The following PRR14L variants were observed in gnomAD, a reference collection of about 807,000 sequenced individuals.
PRR14L encodes protein PRR14L.
PRR14L carries 80 observed loss-of-function variants against 155.0 expected under a neutral mutation model. That is an observed-to-expected ratio of 0.52 (90% confidence interval 0.43 to 0.62). The LOEUF (loss-of-function observed/expected upper bound fraction) is 0.62, where lower values mean the gene tolerates loss of function less well. PRR14L is among the 20% of genes least tolerant of loss of function. The probability of loss-of-function intolerance (pLI) is 0.00; values close to 1 mark genes in which losing one functional copy is unlikely to be tolerated. For missense variants in PRR14L, 2,469 were observed against 2,548.0 expected, an observed-to-expected ratio of 0.97 and a Z score of 0.67; for synonymous variants, 883 against 916.0, an observed-to-expected ratio of 0.96 and a Z score of 0.65.
At chr22:31,732,304 T>C (rs964982091) in intron 2 of PRR14L, among the ~76,000 whole-genome samples, 17 of 152,342 alleles carry the variant, frequency 1.1e-4, no homozygotes, top group Middle Eastern at 3.4e-3. Flanking sequence ...AAGGTCTACC[T>C]GCAGGGTCAG....
chr22:31,690,338 C>T (rs1601491015), intron 7 of PRR14L, among the ~76,000 whole-genome samples: 1 of 151,720 alleles, frequency 6.6e-6, no homozygotes, highest in East Asian at 1.9e-4. Flanking sequence ...CGTGAGCCAC[C>T]ATGCCCAGCT....
In PRR14L at chr22:31,749,927, G is replaced by A. The variant is rs186783944; in HGVS notation, c.-52+66C>T. 9.7e-3 allele frequency: 1,481 copies of A among 152,792 alleles called. 18 individuals carry two copies. Among genetic ancestry groups the A allele is most frequent in the African/African-American group, 0.032 (1,341 of 41,598 alleles). 9.5% of individuals were successfully genotyped at this position (152,792 alleles called of 1,614,324 possible). ...CCCTTTAGCAGCACCACCCGGCGGAGGGTCCCTTTAGGGCGGAGTGGGGCG... is the reference window on the plus strand; with the variant it reads ...CCCTTTAGCAGCACCACCCGGCGGAAGGTCCCTTTAGGGCGGAGTGGGGCG... On this transcript the variant is annotated intron_variant, in intron 1 of 8. Transcript: ENST00000327423.
intron 2 of PRR14L, among the ~76,000 whole-genome samples, chr22:31,736,585 T>C (rs1392245589): frequency 1.3e-5 from 2 of 152,106 alleles, no homozygotes; most frequent in Non-Finnish European, 2.9e-5. Flanking sequence ...AAAGAACATA[T>C]GAACCTGATG....
At position 31,716,081 on chromosome 22, in the gene PRR14L, C is replaced by T. The variant is rs780901716; in HGVS notation, c.1758G>A (p.Glu586=). ...MPEDQISPVS[E]VLKPKQGTAL... ...CAGTACCTTGCTTGGGTTTTAATACCTCACTTACAGGACTTATTTGATCCT... is the reference window on the plus strand; with the variant it reads ...CAGTACCTTGCTTGGGTTTTAATACTTCACTTACAGGACTTATTTGATCCT... Residue 586 remains glutamate (E), a synonymous_variant, in exon 4 of 9, where the codon GAG becomes GAA. Coordinates refer to ENST00000327423, the MANE Select transcript of PRR14L (RefSeq NM_173566.3). 1.3e-6 allele frequency: 2 copies of T among 1,550,914 alleles called. No homozygotes were observed. The highest frequency in any genetic ancestry group is 2.4e-5 in the South Asian group (2 of 84,054).
rs1465075021 is a variant in PRR14L, at chr22:31,714,457, T to C, written c.3382A>G (p.Ile1128Val). The C allele has an allele frequency of 1.3e-6, 2 of 1,551,710 alleles. No homozygotes were observed. Residue 1128 changes from isoleucine to valine, a missense_variant, in exon 4 of 9, where the codon ATA (isoleucine) becomes GTA (valine). Coordinates refer to ENST00000327423, the MANE Select transcript of PRR14L (RefSeq NM_173566.3). ...ACGTTTTCTTCACATGATTTTTTTATTTTGAGAAAGTCCACTGTAGAAGCA... is the reference window on the plus strand; with the variant it reads ...ACGTTTTCTTCACATGATTTTTTTACTTTGAGAAAGTCCACTGTAGAAGCA... ...TAASTVDFLK[I>V]KKSCEENVCR...
At chr22:31,733,470 G>A (rs140085) in intron 2 of PRR14L, among the ~76,000 whole-genome samples, 19,455 of 150,456 alleles carry the variant, frequency 0.13, 1,559 homozygotes, top group African/African-American at 0.22. Context: ...GCGCCCAGCT[G>A]ATTTCTGTAT....
chr22:31,722,072 G>A (rs1569499559), intron 3 of PRR14L, among the ~76,000 whole-genome samples: 1 of 152,110 alleles, frequency 6.6e-6, no homozygotes. Context: ...TTTGCACAGT[G>A]CTCAACCATG....
intron 2 of PRR14L, among the ~76,000 whole-genome samples, chr22:31,737,288 C>G (rs1427581369): frequency 6.6e-6 from 1 of 151,828 alleles, no homozygotes; most frequent in Non-Finnish European, 1.5e-5. Context: ...CTAGACCAGC[C>G]TGGTCAACAT....
chr22:31,733,621 T>C (rs960455462), intron 2 of PRR14L, among the ~76,000 whole-genome samples: 5 of 152,124 alleles, frequency 3.3e-5, no homozygotes, highest in African/African-American at 1.2e-4. Context: ...TTCCTTAAAG[T>C]GTTCGGTGAA....
intron 3 of PRR14L, among the ~76,000 whole-genome samples, chr22:31,723,394 G>C (rs1185357463): frequency 6.6e-6 from 1 of 152,170 alleles, no homozygotes; most frequent in Non-Finnish European, 1.5e-5. Context: ...TGAAAAGGCA[G>C]ATTTCCAAGC....
intron 8 of PRR14L, 59 bp downstream of exon 8, chr22:31,688,097 G>T: frequency 6.7e-7 from 1 of 1,500,840 alleles, no homozygotes; most frequent in South Asian, 1.2e-5. Context: ...GAAAGGGCTG[G>T]AGATTCACAT....
Position 31,712,386 on chromosome 22 carries a change from AG to A in PRR14L, c.5452del (p.Gly1819AlafsTer6). 1 of 1,605,794 alleles carries A rather than the reference AG, an allele frequency of 6.2e-7. No individual in the cohort carries two copies. Among genetic ancestry groups the A allele is most frequent in the Non-Finnish European group, 8.5e-7 (1 of 1,175,768 alleles). ...IVQTRADCSV[L>X]GLHTLLALCS... ...AAGTGCTAGAAGTGTGTGAAGGCCAAGGACAGAGCAGTCTGCTCTGGTCTGG... is the reference window on the plus strand; with the variant it reads ...AAGTGCTAGAAGTGTGTGAAGGCCAAGACAGAGCAGTCTGCTCTGGTCTGG... On this transcript the variant is annotated frameshift_variant, in exon 4 of 9. Coordinates refer to ENST00000327423, the MANE Select transcript of PRR14L (RefSeq NM_173566.3). LOFTEE classifies it high-confidence loss of function.
intron 3 of PRR14L, among the ~76,000 whole-genome samples, chr22:31,718,717 A>ATT (rs2074674012): frequency 6.6e-6 from 1 of 151,934 alleles, no homozygotes; most frequent in Non-Finnish European, 1.5e-5. Flanking sequence ...TGTACACATG[A>ATT]TTTTATATAT....
intron 4 of PRR14L, among the ~76,000 whole-genome samples, chr22:31,710,789 C>T (rs1320601028): frequency 6.6e-6 from 1 of 152,108 alleles, no homozygotes; most frequent in African/African-American, 2.4e-5. Flanking sequence ...TAGTTTAACT[C>T]TCAAATTCTT....
intron 8 of PRR14L, among the ~76,000 whole-genome samples, chr22:31,686,310 CT>C (rs1389535123): frequency 1.3e-5 from 2 of 148,758 alleles, no homozygotes; most frequent in African/African-American, 5.0e-5. Context: ...GGGTTTCACT[CT>C]GTTAGCCAGG....
In PRR14L at chr22:31,725,436, C is replaced by T. The variant is rs1601510602; in HGVS notation, c.547+102G>A. ...CTATAGTTAAGTACACCTTACAAGG[C>T]AAGGACTTACAACCCTTATATTCTC... On this transcript the variant is annotated intron_variant, in intron 3 of 8. Coordinates refer to ENST00000327423, the MANE Select transcript of PRR14L (RefSeq NM_173566.3). The T allele has an allele frequency of 4.0e-6, 3 of 751,212 alleles. No homozygotes were observed. The East Asian group carries it at 8.1e-5, about 20-fold the overall frequency. The allele number at this position is 751,212 out of a possible 1,614,324, so 46.5% of individuals were successfully genotyped here.
intron 7 of PRR14L, among the ~76,000 whole-genome samples, chr22:31,688,925 C>CAA (rs1556449275): frequency 1.8e-4 from 27 of 151,356 alleles, no homozygotes; most frequent in African/African-American, 6.3e-4. Flanking sequence ...CACACACACA[C>CAA]AAAAACCCTT....
chr22:31,734,677 T>A (rs1019861936), intron 2 of PRR14L, among the ~76,000 whole-genome samples: 2 of 152,244 alleles, frequency 1.3e-5, no homozygotes, highest in African/African-American at 4.8e-5. Context: ...GTCTCTTGAC[T>A]GTTCTCTTTC....
intron 2 of PRR14L, among the ~76,000 whole-genome samples, chr22:31,735,610 T>C (rs1337491431): frequency 6.6e-6 from 1 of 151,476 alleles, no homozygotes; most frequent in Non-Finnish European, 1.5e-5. Context: ...TTAAAAAACT[T>C]TTCTCTCCTG....
Sources: allele counts gnomAD v4.1 joint callset (sites outside exome capture counted in the v4.1 genomes callset), GRCh38; gene constraint gnomAD v4.1.1; transcripts MANE v1.5; gene names NCBI Gene and HGNC (gene_info 2026-07-23, HGNC 2026-07-21).